CACNA2D3: variants seen among roughly 807,000 people sequenced by gnomAD.
CACNA2D3 encodes the protein calcium voltage-gated channel auxiliary subunit alpha2delta 3, also known as voltage-dependent calcium channel subunit alpha-2/delta-3.
A neutral mutation model predicts 160.6 loss-of-function variants in CACNA2D3; 60 were observed. That is an observed-to-expected ratio of 0.37 (90% CI 0.30 to 0.46). The LOEUF is 0.46. Among genes scored for constraint, CACNA2D3 ranks in the 20% least tolerant of loss-of-function variants. CACNA2D3 has a pLI of 1.00. For missense variants in CACNA2D3, 1,205 were observed against 1,365.0 expected (o/e 0.88, Z 1.85); for synonymous variants, 558 against 492.9 (o/e 1.13, Z -1.75).
At chr3:54,763,799 GTACATATATATA>G (rs1461184029) in intron 12 of CACNA2D3, among the ~76,000 whole-genome samples, 2 of 20,668 alleles carry the variant, frequency 9.7e-5, no homozygotes, top group African/African-American at 3.8e-4. Context: ...GTATATATAT[GTACATATATATA>G]CATATATATA....
chr3:54,185,043 T>A (rs1465477400), intron 2 of CACNA2D3, among the ~76,000 whole-genome samples: 1 of 152,230 alleles, frequency 6.6e-6, no homozygotes, highest in African/African-American at 2.4e-5. Context: ...TTTGTGTATG[T>A]TTCCTGTAAG....
At chr3:54,626,591 A>G in intron 9 of CACNA2D3, 1 of 1,538,172 alleles carries the variant, frequency 6.5e-7, no homozygotes. Context: ...AAGCCCATAA[A>G]GCACGGCGGG....
intron 11 of CACNA2D3, among the ~76,000 whole-genome samples, chr3:54,717,682 G>A (rs1459744282): frequency 7.0e-6 from 1 of 143,210 alleles, no homozygotes; most frequent in Non-Finnish European, 1.5e-5. Flanking sequence ...GGTGTGTGTG[G>A]TGTGTGCGTG....
At chr3:54,879,136 C>A in intron 19 of CACNA2D3, 47 bp downstream of exon 19, 1 of 1,271,982 alleles carries the variant, frequency 7.9e-7, no homozygotes, top group Non-Finnish European at 1.1e-6. Context: ...AAACAAACCA[C>A]TGTGAAAAAT....
At chr3:54,648,725 T>G (rs992381289) in intron 11 of CACNA2D3, among the ~76,000 whole-genome samples, 1 of 152,170 alleles carries the variant, frequency 6.6e-6, no homozygotes, top group Non-Finnish European at 1.5e-5. Flanking sequence ...AGAAATATGG[T>G]GCCAGCACCT....
intron 12 of CACNA2D3, among the ~76,000 whole-genome samples, chr3:54,761,713 A>T (rs955136775): frequency 6.6e-6 from 1 of 152,154 alleles, no homozygotes; most frequent in African/African-American, 2.4e-5. Context: ...TTCCCCTGGG[A>T]TGGGAAAGGC....
chr3:54,450,697 C>T (rs1486662461), intron 4 of CACNA2D3, among the ~76,000 whole-genome samples: 1 of 152,134 alleles, frequency 6.6e-6, no homozygotes, highest in Non-Finnish European at 1.5e-5. Context: ...CACCTTCCAC[C>T]ATAGTGGAAG....
intron 13 of CACNA2D3, among the ~76,000 whole-genome samples, chr3:54,809,957 T>C (rs1703256635): frequency 6.6e-6 from 1 of 152,138 alleles, no homozygotes; most frequent in Admixed American, 6.5e-5. Flanking sequence ...GATTACACAG[T>C]GCAACAAATG....
intron 11 of CACNA2D3, among the ~76,000 whole-genome samples, chr3:54,661,872 G>A (rs1699980019): frequency 7.7e-6 from 1 of 129,102 alleles, no homozygotes; most frequent in Non-Finnish European, 1.8e-5. Context: ...GTGTGTGTGT[G>A]TGTGTGTGTG....
chr3:55,028,521 A>C (rs1703613162), intron 35 of CACNA2D3, among the ~76,000 whole-genome samples: 1 of 152,216 alleles, frequency 6.6e-6, no homozygotes, highest in Admixed American at 6.5e-5. Flanking sequence ...GAATCTAAAA[A>C]GGATGTAATG....
At chr3:54,222,542 A>G (rs952704064) in intron 2 of CACNA2D3, among the ~76,000 whole-genome samples, 1 of 152,234 alleles carries the variant, frequency 6.6e-6, no homozygotes, top group Non-Finnish European at 1.5e-5. Flanking sequence ...ATGTTGACAA[A>G]TAAAACTAAA....
Position 54,434,694 on chromosome 3 carries a change from C to T in CACNA2D3, c.381+47920C>T, listed in dbSNP as rs537808757. On this transcript the variant is annotated intron_variant, in intron 4 of 37. Coordinates refer to ENST00000474759, the MANE Select transcript of CACNA2D3 (RefSeq NM_018398.3). ...GCCAGACACAGTCAGGGGTCAGGCC[C>T]ACCCAACCAGGAGGGTCTCCATCTG... Among the ~76,000 whole-genome samples, 3 of 152,314 alleles carry T rather than the reference C, an allele frequency of 2.0e-5. No homozygotes were observed. In the East Asian group the frequency reaches 5.8e-4, roughly 30 times the overall value.
intron 27 of CACNA2D3, chr3:54,927,796 C>G (rs1050508363): frequency 4.1e-6 from 5 of 1,205,464 alleles, no homozygotes; most frequent in Non-Finnish European, 6.2e-6. Context: ...TCTGTCCAGT[C>G]TTTTAAGACA....
chr3:54,669,145 A>G (rs1176678276), intron 11 of CACNA2D3, among the ~76,000 whole-genome samples: 2 of 152,222 alleles, frequency 1.3e-5, no homozygotes, highest in Non-Finnish European at 2.9e-5. Context: ...GCTACTGTAC[A>G]GTTAAACACG....
chr3:54,353,477 G>T (rs961517772), intron 3 of CACNA2D3, among the ~76,000 whole-genome samples: 3 of 151,832 alleles, frequency 2.0e-5, no homozygotes, highest in Non-Finnish European at 2.9e-5. Context: ...TTTTATAAAG[G>T]TAACACCCTC....
intron 35 of CACNA2D3, among the ~76,000 whole-genome samples, chr3:55,058,440 G>A (rs984116341): frequency 3.3e-5 from 5 of 152,046 alleles, no homozygotes; most frequent in African/African-American, 1.2e-4. Context: ...CCACCCCAAG[G>A]ATATACGGTA....
At chr3:54,723,093 C>G (rs1013601204) in intron 11 of CACNA2D3, among the ~76,000 whole-genome samples, 7 of 152,202 alleles carry the variant, frequency 4.6e-5, no homozygotes, top group Non-Finnish European at 1.0e-4. Context: ...ATGCCCTGCC[C>G]AGAGAGGAGA....
chr3:54,590,888 T>G (rs1431259922), intron 9 of CACNA2D3, among the ~76,000 whole-genome samples: 5 of 152,198 alleles, frequency 3.3e-5, no homozygotes, highest in Non-Finnish European at 7.3e-5. Flanking sequence ...TAATGCATGT[T>G]AGGTTGCTTT....
chr3:54,932,915 A>T (rs1701227707), intron 27 of CACNA2D3, among the ~76,000 whole-genome samples: 1 of 152,222 alleles, frequency 6.6e-6, no homozygotes, highest in African/African-American at 2.4e-5. Context: ...TTAGAAAGAA[A>T]GTTTGACATT....
Sources: allele counts gnomAD v4.1 joint callset (sites outside exome capture counted in the v4.1 genomes callset), GRCh38; gene constraint gnomAD v4.1.1; transcripts MANE v1.5; gene names NCBI Gene and HGNC (gene_info 2026-07-23, HGNC 2026-07-21).